The following RBFOX1 variants were observed in gnomAD, a reference collection of about 807,000 sequenced individuals.
RBFOX1 encodes the protein RNA binding protein fox-1 homolog 1.
In RBFOX1, 8 loss-of-function variants were observed where a neutral mutation model predicts 57.7. The ratio of observed to expected loss-of-function variants is 0.14; its 90% CI spans 0.08 to 0.25. RBFOX1 has a LOEUF of 0.25. Among genes scored for constraint, RBFOX1 ranks in the 10% least tolerant of loss-of-function variants. The pLI, the probability that RBFOX1 is intolerant of heterozygous loss-of-function variation, is 1.00. For missense variants in RBFOX1, 611 were observed against 548.5 expected, an observed-to-expected ratio of 1.11 and a Z score of -1.14; for synonymous variants, 326 against 222.4, an observed-to-expected ratio of 1.47 and a Z score of -4.15.
At chr16:6,599,955 C>G (rs1192724009) in intron 2 of RBFOX1, among the ~76,000 whole-genome samples, 2 of 152,134 alleles carry the variant, frequency 1.3e-5, no homozygotes, top group African/African-American at 4.8e-5. Context: ...TGAACGCAGT[C>G]CATAACTCAC....
At chr16:6,978,548 C>G (rs910357442) in intron 3 of RBFOX1, among the ~76,000 whole-genome samples, 1 of 151,730 alleles carries the variant, frequency 6.6e-6, no homozygotes, top group Non-Finnish European at 1.5e-5. Context: ...AAGTAACTCA[C>G]TACAGTCATA....
At chr16:6,548,067 C>G (rs918140380) in intron 2 of RBFOX1, among the ~76,000 whole-genome samples, 6 of 152,116 alleles carry the variant, frequency 3.9e-5, no homozygotes, top group Non-Finnish European at 7.4e-5. Context: ...ATTGCAGGAC[C>G]TACTATTAAC....
intron 1 of RBFOX1, among the ~76,000 whole-genome samples, chr16:6,193,392 C>CTCTATATA (rs2097157083): frequency 2.3e-5 from 1 of 43,222 alleles, no homozygotes; most frequent in Non-Finnish European, 4.8e-5. Context: ...TATATATATA[C>CTCTATATA]TATATATATA....
chr16:5,382,121 C>G (rs2066145495), intron 1 of RBFOX1, among the ~76,000 whole-genome samples: 1 of 152,220 alleles, frequency 6.6e-6, no homozygotes, highest in African/African-American at 2.4e-5. Context: ...GGTGTCCCTC[C>G]AATGGGGCAG....
chr16:7,197,362 C>A (rs1218496186), intron 4 of RBFOX1, among the ~76,000 whole-genome samples: 15 of 144,796 alleles, frequency 1.0e-4, no homozygotes, highest in Non-Finnish European at 1.5e-4. Flanking sequence ...GAGCTTCTTT[C>A]TGTTTCTGGA....
At position 7,342,905 on chromosome 16, in the gene RBFOX1, G is replaced by T. The variant is rs546408207; in HGVS notation, c.28-175242G>T. Among the ~76,000 whole-genome samples, 7 of 152,286 alleles carry T rather than the reference G, an allele frequency of 4.6e-5. No homozygotes were observed. In the South Asian group the frequency reaches 1.5e-3, roughly 32 times the overall value. ...GGCCATGTCATTCTCAGTAGAGTCG[G>T]AAGTTAATTACAAGAAACACGTGAA... On this transcript the variant is annotated intron_variant, in intron 4 of 15. Transcript: ENST00000550418.
chr16:7,623,417 T>C (rs2059605584), intron 10 of RBFOX1, among the ~76,000 whole-genome samples: 1 of 152,188 alleles, frequency 6.6e-6, no homozygotes, highest in Admixed American at 6.5e-5. Context: ...CAGTCCTGTC[T>C]GGGAGCGATG....
At chr16:5,540,089 A>C (rs1217259150) in intron 2 of RBFOX1, among the ~76,000 whole-genome samples, 2 of 152,196 alleles carry the variant, frequency 1.3e-5, no homozygotes, top group Non-Finnish European at 2.9e-5. Context: ...GACAGTTAAG[A>C]ATGAAGATAT....
At chr16:5,675,871 C>T (rs1344268477) in intron 3 of RBFOX1, among the ~76,000 whole-genome samples, 1 of 152,074 alleles carries the variant, frequency 6.6e-6, no homozygotes, top group Non-Finnish European at 1.5e-5. Context: ...GCTCCTCCTG[C>T]TGGATGTGGT....
chr16:5,636,497 C>T (rs1356001829), intron 3 of RBFOX1, among the ~76,000 whole-genome samples: 1 of 152,098 alleles, frequency 6.6e-6, no homozygotes, highest in East Asian at 1.9e-4. Context: ...TGGGGCCAGG[C>T]ATTAACGTTT....
intron 4 of RBFOX1, among the ~76,000 whole-genome samples, chr16:5,867,492 G>T (rs2057370982): frequency 6.6e-6 from 1 of 152,132 alleles, no homozygotes; most frequent in Non-Finnish European, 1.5e-5. Flanking sequence ...TGTGCTGCTG[G>T]GTTTTGGGGT....
intron 4 of RBFOX1, among the ~76,000 whole-genome samples, chr16:7,427,081 A>C (rs1328617948): frequency 1.3e-5 from 2 of 152,156 alleles, no homozygotes; most frequent in African/African-American, 2.4e-5. Context: ...ACTTGGACAC[A>C]AGGTGGGGAA....
intron 1 of RBFOX1, among the ~76,000 whole-genome samples, chr16:6,184,019 G>A (rs376399200): frequency 5.9e-5 from 9 of 152,280 alleles, no homozygotes; most frequent in African/African-American, 9.6e-5. Flanking sequence ...TGGGGAGACC[G>A]CACAATCGTG....
At chr16:5,779,153 AC>A (rs1330249984) in intron 3 of RBFOX1, among the ~76,000 whole-genome samples, 1 of 152,116 alleles carries the variant, frequency 6.6e-6, no homozygotes, top group African/African-American at 2.4e-5. Context: ...TAAATTGCAT[AC>A]CCACTTTTTG....
At position 6,371,747 on chromosome 16, in the gene RBFOX1, C is replaced by T. The variant is rs904557731; in HGVS notation, c.-64+54690C>T. Among the ~76,000 whole-genome samples, 6 of 152,266 alleles carry T rather than the reference C, an allele frequency of 3.9e-5. No homozygotes were observed. The South Asian group carries it at 1.0e-3, about 26-fold the overall frequency. ...ATATAGATAGAACTAGGAAAAAATA[C>T]ACACATGCACATACACATGTATATA... On this transcript the variant is annotated intron_variant, in intron 2 of 15. Transcript: ENST00000550418.
At position 5,633,852 on chromosome 16, in the gene RBFOX1, T is replaced by TAAA. The variant is rs71142635; in HGVS notation, c.318+34903_318+34905dup. Among the ~76,000 whole-genome samples, 143 of 143,908 alleles carry TAAA rather than the reference T, an allele frequency of 9.9e-4. 3 individuals carry two copies. The highest frequency in any genetic ancestry group is 3.5e-3 in the African/African-American group (138 of 39,036). The allele number at this position is 143,908 out of a possible 152,430, so 94.4% of individuals were successfully genotyped here. A position where few individuals can be genotyped will look rare whatever the true frequency, so the allele number is the denominator to read the frequency against. On this transcript the variant is annotated intron_variant, in intron 3 of 19. Coordinates refer to the RBFOX1 transcript ENST00000641259. ...TGGGCGATAGAGTGAGACTCCGTCT[T>TAAA]AAAAAAAAAAAAAAGTAGACAAAGG... is the stretch of plus-strand genomic sequence containing the variant.
intron 1 of RBFOX1, among the ~76,000 whole-genome samples, chr16:6,046,634 G>T (rs1397636726): frequency 2.0e-5 from 3 of 152,106 alleles, no homozygotes; most frequent in Non-Finnish European, 2.9e-5. Context: ...AGAAAAATTG[G>T]CCCAAGGTTA....
intron 1 of RBFOX1, among the ~76,000 whole-genome samples, chr16:5,356,316 T>C (rs888689448): frequency 6.6e-6 from 1 of 152,214 alleles, no homozygotes; most frequent in Non-Finnish European, 1.5e-5. Flanking sequence ...GCTACAGAAC[T>C]GTGAGCCGAT....
At chr16:7,674,155 C>G (rs903744579) in intron 13 of RBFOX1, among the ~76,000 whole-genome samples, 2 of 152,096 alleles carry the variant, frequency 1.3e-5, no homozygotes, top group African/African-American at 2.4e-5. Flanking sequence ...GTATGAATTG[C>G]ATACAGAAGA....
Sources: allele counts gnomAD v4.1 joint callset (sites outside exome capture counted in the v4.1 genomes callset), GRCh38; gene constraint gnomAD v4.1.1; transcripts MANE v1.5; gene names NCBI Gene and HGNC (gene_info 2026-07-23, HGNC 2026-07-21).